DKK2: variants seen among roughly 807,000 people sequenced by gnomAD.
DKK2 encodes the protein dickkopf Wnt signaling pathway inhibitor 2.
DKK2 carries 11 observed loss-of-function variants against 28.1 expected under a neutral mutation model. That is an observed-to-expected ratio of 0.39 (90% CI 0.25 to 0.65). The LOEUF (loss-of-function observed/expected upper bound fraction) is 0.65, where lower values mean the gene tolerates loss of function less well. Among genes scored for constraint, DKK2 ranks in the 30% least tolerant of loss-of-function variants. DKK2 has a pLI of 0.47. For missense variants in DKK2, 326 were observed against 335.5 expected, an observed-to-expected ratio of 0.97 and a Z score of 0.22; for synonymous variants, 135 against 126.5, an observed-to-expected ratio of 1.07 and a Z score of -0.45.
At chr4:107,006,483 T>C (rs1420458087) in intron 1 of DKK2, among the ~76,000 whole-genome samples, 1 of 152,188 alleles carries the variant, frequency 6.6e-6, no homozygotes, top group Non-Finnish European at 1.5e-5. Context: ...AAACAATCTT[T>C]TAGTAACCAA....
intron 2 of DKK2, 119 bp downstream of exon 2, chr4:106,925,680 G>C (rs1053564675): frequency 6.2e-5 from 85 of 1,362,086 alleles, no homozygotes; most frequent in Non-Finnish European, 7.7e-5. Flanking sequence ...ACCTAAACCA[G>C]TTCTACCAGG....
chr4:107,027,612 A>T (rs1723804984), intron 1 of DKK2, among the ~76,000 whole-genome samples: 2 of 152,188 alleles, frequency 1.3e-5, no homozygotes, highest in Non-Finnish European at 2.9e-5. Context: ...GAAAGTGTCA[A>T]GAATCTTGTC....
chr4:106,929,573 G>A (rs1333683951), intron 1 of DKK2, among the ~76,000 whole-genome samples: 3 of 151,970 alleles, frequency 2.0e-5, no homozygotes, highest in Non-Finnish European at 4.4e-5. Context: ...TCAGTGATCA[G>A]GCCAAAAAAA....
At chr4:106,991,933 T>G (rs1357249214) in intron 1 of DKK2, among the ~76,000 whole-genome samples, 1 of 152,178 alleles carries the variant, frequency 6.6e-6, no homozygotes, top group Non-Finnish European at 1.5e-5. Flanking sequence ...GTTGTTCCTA[T>G]TCTGTCTTTT....
rs1336693927 is a variant in DKK2 at position 106,927,978 on chromosome 4, A to AG, written c.223-2030_223-2029insC. Among the ~76,000 whole-genome samples the AG allele has an allele frequency of 2.0e-5, 3 of 152,302 alleles. No homozygotes were observed. The East Asian group carries it at 5.8e-4, about 29-fold the overall frequency. Reference sequence around the variant, plus strand: ...TGAGTATAGGATAATCCTGGATTCCATCCCCCCAAAATAGTCCACAGGATA... The same window carrying AG: ...TGAGTATAGGATAATCCTGGATTCCAGTCCCCCCAAAATAGTCCACAGGATA... On this transcript the variant is annotated intron_variant, in intron 1 of 3. Transcript: ENST00000285311.
chr4:107,026,958 T>C lies in DKK2; in HGVS notation c.222+8412A>G, dbSNP rs151054702. ...GTGGAACAGAGAGAAAAGAGAACTGTTGAGCGAGCTGGAGGAAATGCTCAC... is the reference window on the plus strand; with the variant it reads ...GTGGAACAGAGAGAAAAGAGAACTGCTGAGCGAGCTGGAGGAAATGCTCAC... On this transcript the variant is annotated intron_variant, in intron 1 of 3. Transcript: ENST00000285311. Among the ~76,000 whole-genome samples the C allele has an allele frequency of 3.3e-3, 504 of 152,268 alleles. 3 individuals are homozygous for C. Among genetic ancestry groups the C allele is most frequent in the Non-Finnish European group, 5.6e-3 (383 of 68,028 alleles).
At chr4:106,939,565 A>G (rs1315009496) in intron 1 of DKK2, among the ~76,000 whole-genome samples, 1 of 152,226 alleles carries the variant, frequency 6.6e-6, no homozygotes, top group African/African-American at 2.4e-5. Flanking sequence ...TGCCATCCCC[A>G]TCAAGCTACC....
chr4:107,003,494 G>A (rs936428161), intron 1 of DKK2, among the ~76,000 whole-genome samples: 8 of 152,234 alleles, frequency 5.3e-5, no homozygotes, highest in Admixed American at 4.6e-4. Context: ...CCACCTTGGT[G>A]GGCAACCTCA....
At chr4:106,969,033 T>G (rs940628972) in intron 1 of DKK2, among the ~76,000 whole-genome samples, 1 of 151,950 alleles carries the variant, frequency 6.6e-6, no homozygotes, top group African/African-American at 2.4e-5. Context: ...TTTTAGCATT[T>G]GAGCAAAAGT....
intron 1 of DKK2, among the ~76,000 whole-genome samples, chr4:106,944,685 T>G (rs1375559172): frequency 2.0e-5 from 3 of 152,074 alleles, no homozygotes; most frequent in African/African-American, 7.2e-5. Context: ...TTACTACATG[T>G]TTTGAGTCCA....
chr4:106,964,311 C>T (rs951890919), intron 1 of DKK2, among the ~76,000 whole-genome samples: 1 of 152,042 alleles, frequency 6.6e-6, no homozygotes, highest in Non-Finnish European at 1.5e-5. Context: ...AAATATTGAA[C>T]TCCTGGAGGT....
chr4:107,022,952 T>C (rs993275543), intron 1 of DKK2, among the ~76,000 whole-genome samples: 1 of 151,986 alleles, frequency 6.6e-6, no homozygotes, highest in African/African-American at 2.4e-5. Flanking sequence ...GGGAAGCAAG[T>C]TTAAGAGAAA....
intron 1 of DKK2, among the ~76,000 whole-genome samples, chr4:107,023,882 T>C (rs1237813541): frequency 6.6e-6 from 1 of 152,164 alleles, no homozygotes; most frequent in Non-Finnish European, 1.5e-5. Context: ...TATTATTATA[T>C]GTATATGTAT....
At position 106,974,056 on chromosome 4, in the gene DKK2, T is replaced by G. The variant is rs1722907023; in HGVS notation, c.223-48107A>C. Among the ~76,000 whole-genome samples the G allele has an allele frequency of 2.0e-5, 3 of 152,146 alleles. No homozygotes were observed. In the South Asian group the frequency reaches 6.2e-4, roughly 32 times the overall value. Reference sequence around the variant, plus strand: ...GATCAGATGGTCATTGTCATAGATGTGTGGTGTTATTTCTGAGGCCTCTGT... The same window carrying G: ...GATCAGATGGTCATTGTCATAGATGGGTGGTGTTATTTCTGAGGCCTCTGT... On this transcript the variant is annotated intron_variant, in intron 1 of 3. Coordinates refer to ENST00000285311, the MANE Select transcript of DKK2 (RefSeq NM_014421.3).
At chr4:107,025,797 A>G (rs930799941) in intron 1 of DKK2, among the ~76,000 whole-genome samples, 2 of 152,212 alleles carry the variant, frequency 1.3e-5, no homozygotes, top group Non-Finnish European at 2.9e-5. Context: ...GTAAACTTTG[A>G]TAATATATTT....
chr4:106,977,509 C>T (rs1722963114), intron 1 of DKK2, among the ~76,000 whole-genome samples: 1 of 152,052 alleles, frequency 6.6e-6, no homozygotes, highest in Admixed American at 6.5e-5. Context: ...TCTCTGATAA[C>T]CTTTCTTCCA....
intron 1 of DKK2, among the ~76,000 whole-genome samples, chr4:106,968,534 C>G (rs1722817044): frequency 6.6e-6 from 1 of 152,126 alleles, no homozygotes; most frequent in South Asian, 2.1e-4. Flanking sequence ...TCTTAATTTT[C>G]ATTAGATTCC....
intron 1 of DKK2, among the ~76,000 whole-genome samples, chr4:106,944,692 T>C (rs1396129057): frequency 6.6e-6 from 1 of 152,060 alleles, no homozygotes; most frequent in East Asian, 1.9e-4. Flanking sequence ...ATGTTTTGAG[T>C]CCAGACAGGG....
intron 1 of DKK2, among the ~76,000 whole-genome samples, chr4:106,954,757 G>A (rs759829051): frequency 1.3e-5 from 2 of 152,078 alleles, no homozygotes; most frequent in South Asian, 2.1e-4. Flanking sequence ...TCCTGACCTC[G>A]TGATCTGCCT....
Sources: gnomAD v4.1 joint callset for allele counts (sites outside exome capture counted in the v4.1 genomes callset) on GRCh38, gnomAD v4.1.1 for gene constraint, MANE v1.5 for transcripts, NCBI Gene and HGNC (gene_info 2026-07-23, HGNC 2026-07-21) for gene names.